The following SUCLA2 variants were observed in gnomAD, a reference collection of about 807,000 sequenced individuals.
The protein encoded by SUCLA2 is succinate--CoA ligase [ADP-forming] subunit beta, mitochondrial.
A neutral mutation model predicts 54.8 loss-of-function variants in SUCLA2; 30 were observed. That is an observed-to-expected ratio of 0.55 (90% CI 0.41 to 0.74). SUCLA2 has a LOEUF of 0.74. Ranked by LOEUF, SUCLA2 falls within the 30% of genes least tolerant of loss-of-function variation. The pLI is 0.00. For missense variants in SUCLA2, 476 were observed against 562.9 expected (o/e 0.85, Z 1.56); for synonymous variants, 172 against 188.9 (o/e 0.91, Z 0.74).
chr13:47,995,213 A>C (rs1402413760), intron 2 of SUCLA2, among the ~76,000 whole-genome samples: 2 of 152,162 alleles, frequency 1.3e-5, no homozygotes, highest in African/African-American at 4.8e-5. Context: ...TTGGAATTTT[A>C]AAATCTGGAA....
At chr13:47,962,200 C>CT in intron 6 of SUCLA2, among the ~76,000 whole-genome samples, 1 of 151,958 alleles carries the variant, frequency 6.6e-6, no homozygotes, top group East Asian at 1.9e-4. Flanking sequence ...TTGATATATA[C>CT]TTTAAGTGTA....
chr13:47,954,524 G>C lies in SUCLA2; in HGVS notation c.836C>G (p.Ser279Cys), dbSNP rs770245460. 5.0e-6 allele frequency: 8 copies of C among 1,613,668 alleles called. No homozygotes were observed. Among genetic ancestry groups the C allele is most frequent in the East Asian group, 4.5e-5 (2 of 44,880 alleles). ...LCMDAKINFD[S>C]NSAYRQKKIF... ...TTTCTTTTGGCGATAGGCTGAATTA[G>C]AGTCAAAATTGATCTTTGCATCCAT... The change falls in exon 7 of 11, where the codon TCT becomes TGT. Residue 279 changes from serine to cysteine, a missense_variant. Transcript: ENST00000646932.
chr13:47,971,570 T>G (rs562371549), intron 5 of SUCLA2: 15 of 273,892 alleles, frequency 5.5e-5, no homozygotes, highest in African/African-American at 3.3e-4. Flanking sequence ...GGGGGAAGAA[T>G]GGAGGGGAAG....
At chr13:47,964,469 TA>T (rs937390598) in intron 6 of SUCLA2, among the ~76,000 whole-genome samples, 3 of 151,890 alleles carry the variant, frequency 2.0e-5, no homozygotes, top group African/African-American at 2.4e-5. Context: ...TTTAAAATGT[TA>T]AAAAAAATGT....
chr13:47,993,683 C>G (rs528975947), intron 2 of SUCLA2, among the ~76,000 whole-genome samples: 1 of 152,176 alleles, frequency 6.6e-6, no homozygotes. Flanking sequence ...GTTTGGCACA[C>G]CTGTAAAGCA....
intron 1 of SUCLA2, among the ~76,000 whole-genome samples, chr13:48,000,647 G>A (rs1797237656): frequency 6.6e-6 from 1 of 152,156 alleles, no homozygotes; most frequent in Non-Finnish European, 1.5e-5. Context: ...TCTTATTACT[G>A]CTATTAACAA....
intron 10 of SUCLA2, among the ~76,000 whole-genome samples, chr13:47,945,077 G>A (rs752522411): frequency 1.3e-5 from 2 of 151,398 alleles, no homozygotes; most frequent in South Asian, 2.1e-4. Flanking sequence ...TGGTGAAACC[G>A]CATCTCTACT....
At chr13:47,955,586 G>A (rs138285260) in intron 6 of SUCLA2, among the ~76,000 whole-genome samples, 4 of 147,738 alleles carry the variant, frequency 2.7e-5, no homozygotes, top group East Asian at 3.9e-4. Context: ...AAAAGAAAGA[G>A]AAGAAGAAGA....
At chr13:47,958,491 AG>A (rs1321760199) in intron 6 of SUCLA2, among the ~76,000 whole-genome samples, 12 of 152,372 alleles carry the variant, frequency 7.9e-5, no homozygotes, top group African/African-American at 2.9e-4. Flanking sequence ...ATGTGAGTTA[AG>A]TAAATCTTTA....
chr13:47,951,323 C>T (rs1356461920), intron 8 of SUCLA2, among the ~76,000 whole-genome samples: 1 of 148,068 alleles, frequency 6.8e-6, no homozygotes, highest in African/African-American at 2.5e-5. Flanking sequence ...CCCGCCCCCG[C>T]TCCCAAGAAA....
chr13:47,946,465 T>G (rs1345509402), intron 10 of SUCLA2, among the ~76,000 whole-genome samples: 2 of 151,956 alleles, frequency 1.3e-5, no homozygotes, highest in Non-Finnish European at 2.9e-5. Context: ...AAAGGTTGCC[T>G]GTTGGGGAAG....
At chr13:47,994,071 A>AG (rs1469796600) in intron 2 of SUCLA2, among the ~76,000 whole-genome samples, 1 of 151,684 alleles carries the variant, frequency 6.6e-6, no homozygotes, top group East Asian at 1.9e-4. Flanking sequence ...AAAAAAAAAA[A>AG]AGAGTTTTTA....
At chr13:47,965,408 C>T (rs556759204) in intron 6 of SUCLA2, among the ~76,000 whole-genome samples, 46 of 146,786 alleles carry the variant, frequency 3.1e-4, no homozygotes, top group Non-Finnish European at 5.2e-4. Flanking sequence ...ACATTGTGCA[C>T]TATGAAGGAA....
chr13:47,972,703 G>A (rs1467009007), intron 5 of SUCLA2, among the ~76,000 whole-genome samples: 2 of 142,670 alleles, frequency 1.4e-5, no homozygotes, highest in African/African-American at 2.5e-5. Flanking sequence ...GAAAAGAAAA[G>A]AAATTATTGT....
rs36000556 is a variant in SUCLA2, at chr13:47,986,029, G to GTTT, written c.534+2509_534+2511dup. ...CACATGTGTGTTGGCCATATGTATA[G>GTTT]TTTTTTTTTTTTTTTTTTTGAAACG... On this transcript the variant is annotated intron_variant, in intron 4 of 10. Transcript: ENST00000646932. Among the ~76,000 whole-genome samples, 384 of 122,192 alleles carry GTTT rather than the reference G, an allele frequency of 3.1e-3. 9 individuals carry two copies. Among genetic ancestry groups the GTTT allele is most frequent in the South Asian group, 7.3e-3 (27 of 3,700 alleles). The allele number at this position is 122,192 out of a possible 152,430, so 80.2% of individuals were successfully genotyped here.
Sources: allele counts gnomAD v4.1 joint callset (sites outside exome capture counted in the v4.1 genomes callset), GRCh38; gene constraint gnomAD v4.1.1; transcripts MANE v1.5; gene names NCBI Gene and HGNC (gene_info 2026-07-23, HGNC 2026-07-21).